SRSF6: variants seen among roughly 807,000 people sequenced by gnomAD.
SRSF6 encodes the protein serine/arginine-rich splicing factor 6.
A neutral mutation model predicts 42.0 loss-of-function variants in SRSF6; 17 were observed. The observed-to-expected ratio is 0.40, with a 90% CI of 0.28 to 0.61. The LOEUF (loss-of-function observed/expected upper bound fraction) is 0.61, where lower values mean the gene tolerates loss of function less well. Ranked by LOEUF, SRSF6 falls within the 20% of genes least tolerant of loss-of-function variation. SRSF6 has a pLI of 0.37. For missense variants in SRSF6, 379 were observed against 471.4 expected (o/e 0.80, Z 1.81); for synonymous variants, 204 against 166.7 (o/e 1.22, Z -1.72).
intron 2 of SRSF6, 94 bp downstream of exon 2, chr20:43,458,603 CG>C (rs1309005926): frequency 1.5e-6 from 2 of 1,291,010 alleles, no homozygotes; most frequent in Non-Finnish European, 2.0e-6. Flanking sequence ...GCGCGAGGGC[CG>C]GGGGTCGTTT....
rs1329164864 is a variant in SRSF6 at position 43,463,587 on chromosome 20, A to C, written c.*2524A>C. The C allele has an allele frequency of 6.5e-6, 1 of 152,696 alleles. No homozygotes were observed. Among genetic ancestry groups the C allele is most frequent in the Admixed American group, 6.6e-5 (1 of 15,266 alleles). The allele number at this position is 152,696 out of a possible 1,614,324, so 9.5% of individuals were successfully genotyped here. A position where few individuals can be genotyped will look rare whatever the true frequency, so the allele number is the denominator to read the frequency against. ...CTATTTTGTGCTTTAAATCTCAATA[A>C]AATACTTACTGAGGGAAAGGCTTGT... On this transcript the variant is annotated 3_prime_UTR_variant, in exon 6 of 6. Coordinates refer to ENST00000244020, the MANE Select transcript of SRSF6 (RefSeq NM_006275.6).
chr20:43,458,952 A>G (rs2017544164), intron 2 of SRSF6, among the ~76,000 whole-genome samples: 2 of 152,320 alleles, frequency 1.3e-5, no homozygotes, highest in African/African-American at 4.8e-5. Context: ...GATGGGGGCC[A>G]AAGAATGTAC....
At chr20:43,458,266 CGTCGCGGGGGCGCGCGGTGGGGT>C in intron 1 of SRSF6, 72 bp from the exon 2 acceptor site, 2 of 1,395,314 alleles carry the variant, frequency 1.4e-6, no homozygotes, top group East Asian at 2.9e-5. Context: ...GACGGCGCGG[CGTCGCGGGGGCGCGCGGTGGGGT>C]ACGGGCGCGC....
rs1362228116 is a variant in SRSF6, at chr20:43,458,067, A to G, written c.34A>G (p.Asn12Asp). The G allele has an allele frequency of 1.4e-5, 23 of 1,613,348 alleles. No individual in the cohort carries two copies. The highest frequency in any genetic ancestry group is 1.9e-5 in the Non-Finnish European group (22 of 1,179,590). The change falls in exon 1 of 6, where the codon AAC (asparagine) becomes GAC (aspartate). Residue 12 changes from asparagine (N) to aspartate (D), a missense_variant. Transcript: ENST00000244020. Reference protein sequence around the residue: ...PRVYIGRLSYNVREKDIQRFF... With the variant: ...PRVYIGRLSYDVREKDIQRFF... ...CGTCTACATAGGACGCCTGAGCTAC[A>G]ACGTCCGGGAGAAGGACATCCAGCG...
intron 2 of SRSF6, among the ~76,000 whole-genome samples, chr20:43,458,760 A>T (rs942734040): frequency 6.6e-6 from 1 of 151,994 alleles, no homozygotes; most frequent in African/African-American, 2.4e-5. Context: ...CCTTGTCAGC[A>T]CTGTCACGGG....
At chr20:43,458,273 G>T (rs1044603860) in intron 1 of SRSF6, 88 bp from the exon 2 acceptor site, 1 of 1,398,796 alleles carries the variant, frequency 7.1e-7, no homozygotes, top group East Asian at 2.9e-5. Context: ...CGGCGTCGCG[G>T]GGGCGCGCGG....
In SRSF6 at chr20:43,460,498, T is replaced by G; in HGVS notation, c.591-17T>G. 3.1e-6 allele frequency: 5 copies of G among 1,611,772 alleles called. No individual in the cohort carries two copies. Among genetic ancestry groups the G allele is most frequent in the Non-Finnish European group, 4.2e-6 (5 of 1,178,460 alleles). ...AGTTGGATTGGGATTAAGACTTCATTGTTTTTCTCCTAATAGGTCTCGATC... is the reference window on the plus strand; with the variant it reads ...AGTTGGATTGGGATTAAGACTTCATGGTTTTTCTCCTAATAGGTCTCGATC... On this transcript the variant is annotated splice_polypyrimidine_tract_variant and intron_variant, in intron 4 of 5. Transcript: ENST00000244020.
chr20:43,458,608 G>A (rs2017538597), intron 2 of SRSF6, 99 bp downstream of exon 2: 2 of 1,259,620 alleles, frequency 1.6e-6, no homozygotes, highest in Non-Finnish European at 2.1e-6. Flanking sequence ...AGGGCCGGGG[G>A]TCGTTTGACT....
chr20:43,463,601 G>T lies in SRSF6; in HGVS notation c.*2538G>T, dbSNP rs2017640779. On this transcript the variant is annotated 3_prime_UTR_variant, in exon 6 of 6. Coordinates refer to ENST00000244020, the MANE Select transcript of SRSF6 (RefSeq NM_006275.6). ...AAATCTCAATAAAATACTTACTGAG[G>T]GAAAGGCTTGTTTTGAGTTTATTGC... 1 of 152,628 alleles carries T rather than the reference G, an allele frequency of 6.6e-6. No homozygotes were observed. Among genetic ancestry groups the T allele is most frequent in the South Asian group, 2.1e-4 (1 of 4,830 alleles). The allele number at this position is 152,628 out of a possible 1,614,324, so 9.5% of individuals were successfully genotyped here. A position where few individuals can be genotyped will look rare whatever the true frequency, so the allele number is the denominator to read the frequency against.
chr20:43,460,735 C>G lies in SRSF6; in HGVS notation c.707C>G (p.Ser236Cys), dbSNP rs1246250438. The G allele has an allele frequency of 1.9e-6, 3 of 1,613,774 alleles. No individual in the cohort carries two copies. The highest frequency in any genetic ancestry group is 3.3e-5 in the Admixed American group (2 of 59,956). ...TCGCGGAGCAAAGGTCGATCACGTTCTCGATCAAAAGGCAGGAAATCTAGA... is the reference window on the plus strand; with the variant it reads ...TCGCGGAGCAAAGGTCGATCACGTTGTCGATCAAAAGGCAGGAAATCTAGA... Reference protein sequence around the residue: ...SRSRSKGRSRSRSKGRKSRSK... With the variant: ...SRSRSKGRSRCRSKGRKSRSK... Residue 236 changes from serine to cysteine, a missense_variant, in exon 6 of 6, where the codon TCT (serine) becomes TGT (cysteine). Physicochemically the swap from Ser to Cys is moderately radical, Grantham distance 112. Coordinates refer to ENST00000244020, the MANE Select transcript of SRSF6 (RefSeq NM_006275.6).
chr20:43,460,527 A>G lies in SRSF6; in HGVS notation c.603A>G (p.Arg201=). Residue 201 remains arginine (R), a synonymous_variant, in exon 5 of 6, where the codon AGA becomes AGG. Coordinates refer to ENST00000244020, the MANE Select transcript of SRSF6 (RefSeq NM_006275.6). Reference sequence around the variant, plus strand: ...TTTCTCCTAATAGGTCTCGATCTAGAAGACGGTCACGAAGTAGGAGTCGCA... The same window carrying G: ...TTTCTCCTAATAGGTCTCGATCTAGGAGACGGTCACGAAGTAGGAGTCGCA... ...YSGSRSRSRS[R]RRSRSRSRRS... is the part of the protein sequence containing the mutation. The G allele has an allele frequency of 6.2e-7, 1 of 1,613,906 alleles. No individual in the cohort carries two copies. The highest frequency in any genetic ancestry group is 1.1e-5 in the South Asian group (1 of 91,080).
In SRSF6 at chr20:43,461,362, TTTTTTTTTTTTTA is replaced by T. The variant is rs1293198264; in HGVS notation, c.*300_*312del. On this transcript the variant is annotated 3_prime_UTR_variant, in exon 6 of 6. Coordinates refer to ENST00000244020, the MANE Select transcript of SRSF6 (RefSeq NM_006275.6). ...GTTTTTTTTTTTTTTTTTTTTTTTT[TTTTTTTTTTTTTA>T]GTATTTCAGCAGGATCTGCTGGCAG... 2 of 225,222 alleles carry T rather than the reference TTTTTTTTTTTTTA, an allele frequency of 8.9e-6. No individual in the cohort carries two copies. Among genetic ancestry groups the T allele is most frequent in the African/African-American group, 5.7e-5 (2 of 34,946 alleles). 14.0% of individuals were successfully genotyped at this position (225,222 alleles called of 1,614,324 possible). A position where few individuals can be genotyped will look rare whatever the true frequency, so the allele number is the denominator to read the frequency against.
rs555082263 is a variant in SRSF6, at chr20:43,463,812, A to G, written c.*2749A>G. 1.3e-5 allele frequency: 2 copies of G among 152,350 alleles called. No individual in the cohort carries two copies. The highest frequency in any genetic ancestry group is 3.9e-4 in the East Asian group (2 of 5,192). 9.4% of individuals were successfully genotyped at this position (152,350 alleles called of 1,614,324 possible). A position where few individuals can be genotyped will look rare whatever the true frequency, so the allele number is the denominator to read the frequency against. On this transcript the variant is annotated 3_prime_UTR_variant, in exon 6 of 6. Coordinates refer to ENST00000244020, the MANE Select transcript of SRSF6 (RefSeq NM_006275.6). ...TAATCACTGTGCTTCAGTGTCATCC[A>G]TGAAACTAGGGATAAAACATGCATG...
rs2017522759 is a variant in SRSF6 at position 43,457,984 on chromosome 20, T to C, written c.-50T>C. 6.7e-7 allele frequency: 1 copy of C among 1,502,904 alleles called. No individual in the cohort carries two copies. The highest frequency in any genetic ancestry group is 9.1e-7 in the Non-Finnish European group (1 of 1,094,640). 93.1% of individuals were successfully genotyped at this position (1,502,904 alleles called of 1,614,324 possible). ...CGCACCCGCACCGCGGTTACTGGCT[T>C]GCGGTCCGCCGTTCGACAACCAGCC... On this transcript the variant is annotated 5_prime_UTR_variant, in exon 1 of 6. Coordinates refer to ENST00000244020, the MANE Select transcript of SRSF6 (RefSeq NM_006275.6).
chr20:43,459,392 A>G (rs1292376347), intron 2 of SRSF6: 1 of 1,326,674 alleles, frequency 7.5e-7, no homozygotes, highest in Admixed American at 2.0e-5. Context: ...TTTGTGGCCA[A>G]ACCACCACCA....
intron 1 of SRSF6, 98 bp downstream of exon 1, chr20:43,458,238 C>T: frequency 1.4e-6 from 2 of 1,443,848 alleles, no homozygotes; most frequent in Non-Finnish European, 1.8e-6. Flanking sequence ...CGCCGCGTGG[C>T]AGGGCCTCAA....
intron 2 of SRSF6, 149 bp downstream of exon 2, chr20:43,458,658 G>A: frequency 1.2e-6 from 1 of 831,244 alleles, no homozygotes; most frequent in South Asian, 2.1e-5. Flanking sequence ...GTCTGCCCGG[G>A]GCAGCCATGG....
rs1477309606 is a variant in SRSF6, at chr20:43,462,834, A to C, written c.*1771A>C. Reference sequence around the variant, plus strand: ...TGATACTTTATTTAATTAGATGTTTATAAAGAAATGGGTTTATTTTTCCAG... The same window carrying C: ...TGATACTTTATTTAATTAGATGTTTCTAAAGAAATGGGTTTATTTTTCCAG... On this transcript the variant is annotated 3_prime_UTR_variant, in exon 6 of 6. Transcript: ENST00000244020. 1 of 152,616 alleles carries C rather than the reference A, an allele frequency of 6.6e-6. No individual in the cohort carries two copies. Among genetic ancestry groups the C allele is most frequent in the African/African-American group, 2.4e-5 (1 of 41,460 alleles). The allele number at this position is 152,616 out of a possible 1,614,324, so 9.5% of individuals were successfully genotyped here.
chr20:43,460,705 C>A lies in SRSF6; in HGVS notation c.677C>A (p.Ser226Tyr). 6.2e-7 allele frequency: 1 copy of A among 1,613,062 alleles called. No individual in the cohort carries two copies. Among genetic ancestry groups the A allele is most frequent in the Non-Finnish European group, 8.5e-7 (1 of 1,179,174 alleles). The change falls in exon 6 of 6, where the codon TCC (serine) becomes TAC (tyrosine). Residue 226 changes from serine to tyrosine, a missense_variant and splice_region_variant. Coordinates refer to ENST00000244020, the MANE Select transcript of SRSF6 (RefSeq NM_006275.6). ...AAAATCGGTCTTTCCTTGTCCAGTTCCAGGTCGCGGAGCAAAGGTCGATCA... is the reference window on the plus strand; with the variant it reads ...AAAATCGGTCTTTCCTTGTCCAGTTACAGGTCGCGGAGCAAAGGTCGATCA... ...SRSISKSRSR[S>Y]RSRSKGRSRS... is the part of the protein sequence containing the mutation.
Sources: gnomAD v4.1 joint callset for allele counts (sites outside exome capture counted in the v4.1 genomes callset) on GRCh38, gnomAD v4.1.1 for gene constraint, MANE v1.5 for transcripts, NCBI Gene and HGNC (gene_info 2026-07-23, HGNC 2026-07-21) for gene names.